Variants in EPB41L4A observed in about 807,000 individuals in gnomAD.
EPB41L4A encodes band 4.1-like protein 4A.
EPB41L4A carries 100 observed loss-of-function variants against 108.6 expected under a neutral mutation model. The ratio of observed to expected loss-of-function variants is 0.92; its 90% CI spans 0.78 to 1.09. The LOEUF (loss-of-function observed/expected upper bound fraction) is 1.09. Among genes scored for constraint, EPB41L4A ranks in the 50% least tolerant of loss-of-function variants. The pLI, the probability that EPB41L4A is intolerant of heterozygous loss-of-function variation, is 0.00. For missense variants in EPB41L4A, 1,030 were observed against 842.7 expected (o/e 1.22, Z -2.75); for synonymous variants, 319 against 289.0 (o/e 1.10, Z -1.05).
intron 12 of EPB41L4A, among the ~76,000 whole-genome samples, chr5:112,147,791 G>A (rs920300987): frequency 6.6e-6 from 1 of 151,916 alleles, no homozygotes; most frequent in African/African-American, 2.4e-5. Context: ...ATAAAAACAG[G>A]CCTAGCGCGG....
In EPB41L4A at chr5:112,205,414, C is replaced by A; in HGVS notation, c.1262+7G>T. 6.2e-7 allele frequency: 1 copy of A among 1,610,280 alleles called. No homozygotes were observed. Among genetic ancestry groups the A allele is most frequent in the Non-Finnish European group, 8.5e-7 (1 of 1,176,590 alleles). On this transcript the variant is annotated splice_region_variant and intron_variant, in intron 14 of 22. Coordinates refer to ENST00000261486, the MANE Select transcript of EPB41L4A (RefSeq NM_022140.5). Reference sequence around the variant, plus strand: ...GTCTCCTTTATAAAAACAATGATTCCCTTTACCTCTGGGGGCCATTTTCTT... The same window carrying A: ...GTCTCCTTTATAAAAACAATGATTCACTTTACCTCTGGGGGCCATTTTCTT...
chr5:112,337,620 G>A (rs1261154350), intron 1 of EPB41L4A, among the ~76,000 whole-genome samples: 4 of 152,034 alleles, frequency 2.6e-5, no homozygotes, highest in Non-Finnish European at 5.9e-5. Context: ...CATAACCCCC[G>A]AGTTCATATT....
At chr5:112,306,598 T>C (rs934271707) in intron 2 of EPB41L4A, among the ~76,000 whole-genome samples, 1 of 152,062 alleles carries the variant, frequency 6.6e-6, no homozygotes, top group Admixed American at 6.6e-5. Context: ...AGCAGTTGAG[T>C]AGGATGAAAA....
chr5:112,217,624 A>C (rs1055609007), intron 12 of EPB41L4A, among the ~76,000 whole-genome samples: 2 of 152,140 alleles, frequency 1.3e-5, no homozygotes, highest in African/African-American at 4.8e-5. Context: ...TTTGAACTTG[A>C]GAGTTTGAGG....
chr5:112,245,309 A>C (rs1750125496), intron 9 of EPB41L4A, among the ~76,000 whole-genome samples: 1 of 152,216 alleles, frequency 6.6e-6, no homozygotes, highest in South Asian at 2.1e-4. Flanking sequence ...ATGCCTCTGA[A>C]ATGAGGTTTC....
chr5:112,361,005 CCTGT>C (rs1232297783), intron 1 of EPB41L4A, among the ~76,000 whole-genome samples: 2 of 152,312 alleles, frequency 1.3e-5, no homozygotes, highest in Non-Finnish European at 2.9e-5. Context: ...CGGCAGCCGC[CCTGT>C]CTGAGAGGTG....
chr5:112,165,002 C>T lies in EPB41L4A; in HGVS notation c.2049G>A (p.Lys683=), dbSNP rs576117395. Residue 683 remains lysine (K), a synonymous_variant, in exon 23 of 23, where the codon AAG becomes AAA. Transcript: ENST00000261486. ...TIKTIQASRL[K]TET is the part of the protein sequence containing the mutation. Reference sequence around the variant, plus strand: ...CCCTTCATCAGGATCAAGTCTCTGTCTTGAGGCGGGAAGCTTGTATAGTTT... The same window carrying T: ...CCCTTCATCAGGATCAAGTCTCTGTTTTGAGGCGGGAAGCTTGTATAGTTT... 1.2e-5 allele frequency: 20 copies of T among 1,613,596 alleles called. No homozygotes were observed. In the East Asian group the frequency reaches 4.2e-4, roughly 34 times the overall value.
chr5:112,301,711 C>T (rs1458231091), intron 2 of EPB41L4A, among the ~76,000 whole-genome samples: 1 of 152,062 alleles, frequency 6.6e-6, no homozygotes, highest in Non-Finnish European at 1.5e-5. Context: ...AGTCCTGCCC[C>T]CTGTCTGTCA....
intron 1 of EPB41L4A, among the ~76,000 whole-genome samples, chr5:112,410,017 G>A (rs1020029436): frequency 6.6e-6 from 1 of 152,166 alleles, no homozygotes; most frequent in Admixed American, 6.5e-5. Context: ...AATGCAGTCT[G>A]GATTAGGGTC....
intron 12 of EPB41L4A, among the ~76,000 whole-genome samples, chr5:112,210,640 G>C (rs555229969): frequency 6.6e-6 from 1 of 152,152 alleles, no homozygotes. Context: ...TGGAAGTCAT[G>C]ATCGAAATAA....
At chr5:112,144,868 C>A (rs1221971361) in intron 13 of EPB41L4A, among the ~76,000 whole-genome samples, 1 of 152,068 alleles carries the variant, frequency 6.6e-6, no homozygotes, top group African/African-American at 2.4e-5. Context: ...GGTTATAGCA[C>A]CTAGAATTGA....
At chr5:112,339,508 A>ATATC (rs1561585358) in intron 1 of EPB41L4A, among the ~76,000 whole-genome samples, 2 of 55,558 alleles carry the variant, frequency 3.6e-5, no homozygotes, top group African/African-American at 7.7e-5. Flanking sequence ...ATATATATAT[A>ATATC]TAGATATATA....
intron 17 of EPB41L4A, among the ~76,000 whole-genome samples, chr5:112,192,824 G>T (rs1317232285): frequency 1.3e-5 from 2 of 152,124 alleles, no homozygotes; most frequent in African/African-American, 4.8e-5. Context: ...GAACAGTTGA[G>T]AACAGAACAC....
intron 1 of EPB41L4A, among the ~76,000 whole-genome samples, chr5:112,353,672 C>T (rs1471950823): frequency 1.3e-5 from 2 of 152,112 alleles, no homozygotes; most frequent in Admixed American, 1.3e-4. Context: ...AGGTCTGTTT[C>T]AGGTGGGGCA....
intron 9 of EPB41L4A, among the ~76,000 whole-genome samples, chr5:112,245,085 A>G (rs1295771157): frequency 6.6e-6 from 1 of 151,928 alleles, no homozygotes; most frequent in Non-Finnish European, 1.5e-5. Context: ...CAGTATCTGC[A>G]AAGCACAATA....
intron 17 of EPB41L4A, among the ~76,000 whole-genome samples, chr5:112,193,342 G>T (rs1431631366): frequency 6.6e-6 from 1 of 151,730 alleles, no homozygotes; most frequent in Non-Finnish European, 1.5e-5. Flanking sequence ...CTCTCTTGCT[G>T]CCAGGCTGGA....
intron 15 of EPB41L4A, among the ~76,000 whole-genome samples, chr5:112,198,827 T>C (rs1297014322): frequency 6.7e-6 from 1 of 150,118 alleles, no homozygotes; most frequent in South Asian, 2.2e-4. Flanking sequence ...TAGAAATTCA[T>C]GGTTATATTT....
intron 1 of EPB41L4A, among the ~76,000 whole-genome samples, chr5:112,396,286 A>T (rs1342119582): frequency 1.3e-5 from 2 of 152,234 alleles, no homozygotes; most frequent in Non-Finnish European, 2.9e-5. Context: ...AAACCATTTC[A>T]CTTTTATACA....
At chr5:112,226,805 C>T (rs1304626482) in intron 12 of EPB41L4A, among the ~76,000 whole-genome samples, 1 of 151,138 alleles carries the variant, frequency 6.6e-6, no homozygotes, top group Non-Finnish European at 1.5e-5. Context: ...AGACGATCAC[C>T]AAGAGCTGGG....
Sources: allele counts gnomAD v4.1 joint callset (sites outside exome capture counted in the v4.1 genomes callset), GRCh38; gene constraint gnomAD v4.1.1; transcripts MANE v1.5; gene names NCBI Gene and HGNC (gene_info 2026-07-23, HGNC 2026-07-21).